The following VDAC1 variants were observed in gnomAD, a reference collection of about 807,000 sequenced individuals.
The protein encoded by VDAC1 is voltage dependent anion channel 1.
A neutral mutation model predicts 34.7 loss-of-function variants in VDAC1; 10 were observed. The ratio of observed to expected loss-of-function variants is 0.29; its 90% confidence interval spans 0.18 to 0.49. The LOEUF is 0.49. Ranked by LOEUF, VDAC1 falls within the 20% of genes least tolerant of loss-of-function variation. VDAC1 has a pLI of 0.99. For missense variants in VDAC1, 230 were observed against 347.9 expected (o/e 0.66, Z 2.69); for synonymous variants, 130 against 136.0 (o/e 0.96, Z 0.30).
At chr5:134,086,430 G>A in the VDAC1 span, among the ~76,000 whole-genome samples, 1 of 152,158 alleles carries the variant, frequency 6.6e-6, no homozygotes, top group East Asian at 1.9e-4. Flanking sequence ...TGGAACCTGG[G>A]AGGCCTCCCC....
chr5:134,065,529 CA>C, the VDAC1 span, among the ~76,000 whole-genome samples: 1 of 151,252 alleles, frequency 6.6e-6, no homozygotes. Flanking sequence ...TTCGTAGAGA[CA>C]GGGTTTTGCA....
At chr5:134,089,583 C>T in the VDAC1 span, among the ~76,000 whole-genome samples, 1 of 152,160 alleles carries the variant, frequency 6.6e-6, no homozygotes, top group Non-Finnish European at 1.5e-5. Context: ...AGCCAGGCAA[C>T]CCCCCATCAT....
At chr5:134,023,972 A>C in the VDAC1 span, among the ~76,000 whole-genome samples, 1 of 142,452 alleles carries the variant, frequency 7.0e-6, no homozygotes, top group African/African-American at 2.6e-5. Context: ...ATCTCCACTA[A>C]AAATACAAAA....
intron 1 of VDAC1, 70 bp from the exon 2 acceptor site, chr5:133,993,088 T>C (rs1753167579): frequency 6.8e-7 from 1 of 1,463,582 alleles, no homozygotes; most frequent in African/African-American, 1.4e-5. Flanking sequence ...CAATAACAAT[T>C]ATTAGATGTA....
the VDAC1 span, among the ~76,000 whole-genome samples, chr5:134,070,929 T>C: frequency 6.6e-6 from 1 of 152,108 alleles, no homozygotes; most frequent in Admixed American, 6.6e-5. Flanking sequence ...TTGTACAAAT[T>C]TATTGCCAAA....
the VDAC1 span, among the ~76,000 whole-genome samples, chr5:134,085,525 G>A: frequency 2.6e-5 from 4 of 151,362 alleles, no homozygotes; most frequent in East Asian, 1.9e-4. Context: ...TGCTCAAATC[G>A]TTCTTACCTT....
chr5:134,069,776 G>T, the VDAC1 span, among the ~76,000 whole-genome samples: 40 of 152,182 alleles, frequency 2.6e-4, no homozygotes, highest in Non-Finnish European at 5.3e-4. Flanking sequence ...GAGACCTACT[G>T]GGTTGCATTG....
the VDAC1 span, among the ~76,000 whole-genome samples, chr5:134,042,285 C>T: frequency 6.6e-6 from 1 of 152,152 alleles, no homozygotes; most frequent in Non-Finnish European, 1.5e-5. Context: ...GACAAGCTTT[C>T]CAGTCACTGG....
intron 5 of VDAC1, among the ~76,000 whole-genome samples, chr5:133,981,293 A>C (rs1752688312): frequency 6.6e-6 from 1 of 152,352 alleles, no homozygotes; most frequent in East Asian, 1.9e-4. Flanking sequence ...GCCACCATGT[A>C]ATTATGAAAC....
chr5:134,112,492 C>G, the VDAC1 span, among the ~76,000 whole-genome samples: 26 of 152,352 alleles, frequency 1.7e-4, 1 homozygote, highest in Admixed American at 6.5e-5. Flanking sequence ...CCCACTCTCC[C>G]TACTCACCCA....
chr5:134,053,743 C>T, the VDAC1 span, among the ~76,000 whole-genome samples: 14 of 152,202 alleles, frequency 9.2e-5, no homozygotes, highest in Admixed American at 2.6e-4. Context: ...CCCACCCATA[C>T]GGCAGTCAAC....
chr5:134,108,605 T>A, the VDAC1 span, among the ~76,000 whole-genome samples: 3 of 152,096 alleles, frequency 2.0e-5, no homozygotes, highest in African/African-American at 4.8e-5. Context: ...TGAAGCCCCA[T>A]GCAAGGCAGT....
the VDAC1 span, among the ~76,000 whole-genome samples, chr5:134,076,256 G>C: frequency 6.6e-6 from 1 of 151,970 alleles, no homozygotes; most frequent in East Asian, 1.9e-4. Context: ...TGGGATTACA[G>C]GCATGAGCCA....
chr5:134,083,477 A>T, the VDAC1 span, among the ~76,000 whole-genome samples: 1 of 152,178 alleles, frequency 6.6e-6, no homozygotes, highest in Non-Finnish European at 1.5e-5. Flanking sequence ...GGCATGAGCC[A>T]CTGTGCCCAG....
Position 133,975,916 on chromosome 5 carries a change from G to A in VDAC1, c.657C>T (p.Phe219=), listed in dbSNP as rs763071713. 1.8e-5 allele frequency: 29 copies of A among 1,612,256 alleles called. No individual in the cohort carries two copies. Among genetic ancestry groups the A allele is most frequent in the East Asian group, 1.6e-4 (7 of 44,814 alleles). The change falls in exon 7 of 9, where the codon TTC becomes TTT. Residue 219 remains phenylalanine (F), a synonymous_variant. Transcript: ENST00000265333. ...AWTAGNSNTR[F]GIAAKYQIDP... ...CAATCTGATACTTGGCTGCTATTCCGAAGCGCGTGTTACTGTTTCCTGCTG... is the reference window on the plus strand; with the variant it reads ...CAATCTGATACTTGGCTGCTATTCCAAAGCGCGTGTTACTGTTTCCTGCTG...
At chr5:133,990,803 C>T (rs1207723633) in intron 5 of VDAC1, 52 bp downstream of exon 5, 1 of 1,509,826 alleles carries the variant, frequency 6.6e-7, no homozygotes, top group African/African-American at 1.4e-5. Flanking sequence ...GGGCTTCCAC[C>T]ACCTGCAACA....
At chr5:134,044,811 A>C in the VDAC1 span, among the ~76,000 whole-genome samples, 3 of 152,192 alleles carry the variant, frequency 2.0e-5, no homozygotes, top group Admixed American at 1.3e-4. Context: ...CTCCTACCCC[A>C]TGTGAGGTAC....
the VDAC1 span, among the ~76,000 whole-genome samples, chr5:134,067,659 G>A: frequency 6.7e-6 from 1 of 148,748 alleles, no homozygotes; most frequent in Non-Finnish European, 1.5e-5. Flanking sequence ...GGCGGTGAGG[G>A]GGAGGGGGAG....
chr5:134,040,668 G>A, the VDAC1 span, among the ~76,000 whole-genome samples: 9 of 152,130 alleles, frequency 5.9e-5, no homozygotes, highest in Admixed American at 1.3e-4. Flanking sequence ...TGGAGGTTGC[G>A]GTGAGCCAAT....
Sources: allele counts gnomAD v4.1 joint callset (sites outside exome capture counted in the v4.1 genomes callset), GRCh38; gene constraint gnomAD v4.1.1; transcripts MANE v1.5; gene names NCBI Gene and HGNC (gene_info 2026-07-23, HGNC 2026-07-21).